SNX24: variants seen among roughly 807,000 people sequenced by gnomAD.
SNX24 encodes sorting nexin 24.
Under a neutral mutation model 28.7 loss-of-function variants are expected in SNX24, and 22 were observed. The ratio of observed to expected loss-of-function variants is 0.77; its 90% CI spans 0.55 to 1.10. SNX24 has a LOEUF of 1.10. SNX24 is among the 50% of genes least tolerant of loss of function. The pLI is 0.00. For synonymous variants in SNX24, 69 were observed against 71.5 expected (o/e 0.96, Z 0.18); for missense variants, 221 against 201.1 (o/e 1.10, Z -0.60).
At chr5:122,963,950 C>A (rs1324914641) in intron 3 of SNX24, among the ~76,000 whole-genome samples, 1 of 151,972 alleles carries the variant, frequency 6.6e-6, no homozygotes, top group Non-Finnish European at 1.5e-5. Flanking sequence ...CCACTTAGAA[C>A]AATAGTTCTG....
intron 1 of SNX24, among the ~76,000 whole-genome samples, chr5:122,929,463 G>A (rs1349785778): frequency 6.6e-6 from 1 of 151,756 alleles, no homozygotes; most frequent in Non-Finnish European, 1.5e-5. Flanking sequence ...AGACAACGTT[G>A]CCTTATAAAT....
chr5:122,957,599 G>A (rs1760269405), intron 3 of SNX24, among the ~76,000 whole-genome samples: 1 of 152,150 alleles, frequency 6.6e-6, no homozygotes. Context: ...CCTTAAATCT[G>A]TAGATCACTT....
At chr5:122,929,448 T>TC (rs919004561) in intron 1 of SNX24, among the ~76,000 whole-genome samples, 2 of 152,100 alleles carry the variant, frequency 1.3e-5, no homozygotes, top group African/African-American at 4.8e-5. Context: ...GCCTTTTTTT[T>TC]TTAGAGACAA....
At chr5:123,012,504 G>A (rs1581865514), downstream of SNX24, among the ~76,000 whole-genome samples, 1 of 152,322 alleles carries the variant, frequency 6.6e-6, no homozygotes, top group Middle Eastern at 3.4e-3. Context: ...GAGGCTGGGG[G>A]AAAAGAGGAA....
At chr5:122,867,666 G>A (rs1386859043) in intron 1 of SNX24, among the ~76,000 whole-genome samples, 1 of 152,110 alleles carries the variant, frequency 6.6e-6, no homozygotes, top group Non-Finnish European at 1.5e-5. Context: ...GGGGAAAGAG[G>A]CTGACTTGTA....
chr5:122,986,733 C>G (rs1385155271), intron 3 of SNX24, among the ~76,000 whole-genome samples: 1 of 102,450 alleles, frequency 9.8e-6, no homozygotes, highest in African/African-American at 3.7e-5. Flanking sequence ...GCTATAGCCT[C>G]TAAGGGATTT....
At chr5:122,955,431 G>C (rs2150133445) in intron 3 of SNX24, among the ~76,000 whole-genome samples, 1 of 152,170 alleles carries the variant, frequency 6.6e-6, no homozygotes, top group Admixed American at 6.5e-5. Context: ...AGATCTTCCT[G>C]GTTCTTGGTA....
In SNX24 at chr5:122,915,601, G is replaced by A. The variant is rs187190420; in HGVS notation, c.61-21133G>A. Among the ~76,000 whole-genome samples the A allele has an allele frequency of 3.4e-3, 524 of 152,204 alleles. 3 individuals carry two copies. Among genetic ancestry groups the A allele is most frequent in the African/African-American group, 0.012 (491 of 41,534 alleles). On this transcript the variant is annotated intron_variant, in intron 1 of 6. Transcript: ENST00000261369. The stretch of plus-strand genomic sequence containing the variant: ...TGATTACGTCACCATACTCTAGCCC[G>A]GGTAACAAAGCAAGACCCTGTCTGT...
At chr5:122,941,787 A>AT in intron 2 of SNX24, among the ~76,000 whole-genome samples, 1 of 152,328 alleles carries the variant, frequency 6.6e-6, no homozygotes, top group Non-Finnish European at 1.5e-5. Flanking sequence ...CTAGAGGATC[A>AT]GTTTCTACTG....
intron 1 of SNX24, among the ~76,000 whole-genome samples, chr5:122,898,417 A>G (rs1252149701): frequency 2.6e-5 from 4 of 152,244 alleles, no homozygotes; most frequent in African/African-American, 9.6e-5. Context: ...AAGAATGCTT[A>G]AAGTAAAAAC....
At chr5:122,884,245 C>CT (rs1263742505) in intron 1 of SNX24, among the ~76,000 whole-genome samples, 240 of 67,450 alleles carry the variant, frequency 3.6e-3, no homozygotes, top group Admixed American at 6.1e-3. Context: ...TCAATTGTTT[C>CT]TTTTTCTTTT....
chr5:123,027,901 T>C (rs1222701140), intron 5 of SNX24, among the ~76,000 whole-genome samples: 1 of 152,224 alleles, frequency 6.6e-6, no homozygotes, highest in Admixed American at 6.5e-5. Context: ...TGGAGCTGGA[T>C]AGCTATAATC....
At chr5:122,997,721 TAA>T (rs2150172802) in intron 3 of SNX24, among the ~76,000 whole-genome samples, 1 of 152,354 alleles carries the variant, frequency 6.6e-6, no homozygotes, top group South Asian at 2.1e-4. Flanking sequence ...TTCAGGTCAT[TAA>T]AAGTGTCCCA....
chr5:122,982,085 A>T (rs1055264071), intron 3 of SNX24, among the ~76,000 whole-genome samples: 2 of 152,204 alleles, frequency 1.3e-5, no homozygotes, highest in African/African-American at 2.4e-5. Flanking sequence ...CCAGGGAAGA[A>T]TGACTGGTAG....
chr5:122,999,852 TTTGA>T, intron 3 of SNX24, 56 bp from the exon 4 acceptor site: 1 of 983,546 alleles, frequency 1.0e-6, no homozygotes. Flanking sequence ...AAATAGTTCA[TTTGA>T]TTGATCACCT....
chr5:122,886,436 G>A (rs1283146737), intron 1 of SNX24, among the ~76,000 whole-genome samples: 1 of 152,030 alleles, frequency 6.6e-6, no homozygotes, highest in East Asian at 1.9e-4. Context: ...TATCTTGCCA[G>A]CCACTCTGGA....
At chr5:122,981,374 C>G (rs1466116221) in intron 3 of SNX24, among the ~76,000 whole-genome samples, 1 of 152,128 alleles carries the variant, frequency 6.6e-6, no homozygotes, top group South Asian at 2.1e-4. Context: ...GACAACTTGA[C>G]TCTTAAATAT....
At chr5:122,866,786 C>G (rs1035572259) in intron 1 of SNX24, among the ~76,000 whole-genome samples, 17 of 152,214 alleles carry the variant, frequency 1.1e-4, no homozygotes, top group African/African-American at 4.1e-4. Flanking sequence ...GGCACAGTAA[C>G]TCCCATTTTT....
chr5:122,999,827 G>A (rs2150174902), intron 3 of SNX24, 85 bp from the exon 4 acceptor site: 7 of 831,624 alleles, frequency 8.4e-6, no homozygotes, highest in East Asian at 2.4e-5. Flanking sequence ...TTTGATGGAC[G>A]GTTATGACTT....
Sources: allele counts gnomAD v4.1 joint callset (sites outside exome capture counted in the v4.1 genomes callset), GRCh38; gene constraint gnomAD v4.1.1; transcripts MANE v1.5; gene names NCBI Gene and HGNC (gene_info 2026-07-23, HGNC 2026-07-21).